The following BICC1 variants were observed in gnomAD, a reference collection of about 807,000 sequenced individuals.
BICC1 encodes the protein BicC family RNA binding protein 1, also known as protein bicaudal C homolog 1.
BICC1 carries 43 observed loss-of-function variants against 111.0 expected under a neutral mutation model. That is an observed-to-expected ratio of 0.39 (90% CI 0.30 to 0.50). BICC1 has a LOEUF of 0.50. Among genes scored for constraint, BICC1 ranks in the 20% least tolerant of loss-of-function variants. The pLI is 0.88. For synonymous variants in BICC1, 467 were observed against 434.4 expected (o/e 1.07, Z -0.93); for missense variants, 1,091 against 1,203.2 (o/e 0.91, Z 1.38).
chr10:58,653,531 C>G (rs1838518701), intron 2 of BICC1, among the ~76,000 whole-genome samples: 1 of 152,244 alleles, frequency 6.6e-6, no homozygotes, highest in African/African-American at 2.4e-5. Flanking sequence ...AAATGTGGTT[C>G]AGCATTTCTT....
intron 3 of BICC1, among the ~76,000 whole-genome samples, chr10:58,767,055 G>A (rs988484844): frequency 6.6e-6 from 1 of 152,304 alleles, no homozygotes; most frequent in African/African-American, 2.4e-5. Flanking sequence ...CCATGAGCTA[G>A]TTGGGATGCC....
intron 3 of BICC1, among the ~76,000 whole-genome samples, chr10:58,755,258 C>T (rs1842112278): frequency 6.6e-6 from 1 of 152,036 alleles, no homozygotes; most frequent in Non-Finnish European, 1.5e-5. Context: ...CTGCCAGGGC[C>T]CACTGTTTAG....
At chr10:58,762,551 G>A (rs997448880) in intron 3 of BICC1, among the ~76,000 whole-genome samples, 7 of 152,096 alleles carry the variant, frequency 4.6e-5, no homozygotes, top group Admixed American at 3.9e-4. Context: ...AGAAGAACAG[G>A]TTATTAAGTG....
At chr10:58,716,951 CT>C (rs1453161054) in intron 3 of BICC1, among the ~76,000 whole-genome samples, 2 of 149,106 alleles carry the variant, frequency 1.3e-5, no homozygotes, top group African/African-American at 5.2e-5. Flanking sequence ...TCATATGCTG[CT>C]TTGAGTGAAC....
chr10:58,764,629 CTTT>C lies in BICC1; in HGVS notation c.308-20354_308-20352del, dbSNP rs11366847. ...CTGGAAATTGATCACTAATTTCCTT[CTTT>C]TTTTTTTTTTTTTTTTTGTTCTAGG... On this transcript the variant is annotated intron_variant, in intron 3 of 20. Transcript: ENST00000373886. Among the ~76,000 whole-genome samples the C allele has an allele frequency of 2.2e-3, 258 of 117,568 alleles. 2 individuals are homozygous for C. Among genetic ancestry groups the C allele is most frequent in the African/African-American group, 7.2e-3 (230 of 31,826 alleles). The allele number at this position is 117,568 out of a possible 152,430, so 77.1% of individuals were successfully genotyped here. A position where few individuals can be genotyped will look rare whatever the true frequency, so the allele number is the denominator to read the frequency against.
In BICC1 at chr10:58,753,364, C is replaced by T. The variant is rs561961540; in HGVS notation, c.308-31637C>T. ...TTTATTTTTGTTAGAGACAGAGTCT[C>T]GCTATGTTGTCCAGGCTTGTCTCAA... On this transcript the variant is annotated intron_variant, in intron 3 of 20. Transcript: ENST00000373886. 5.9e-5 allele frequency among the ~76,000 whole-genome samples: 9 copies of T among 152,220 alleles called. No individual in the cohort carries two copies. In the East Asian group the frequency reaches 9.7e-4, roughly 16 times the overall value.
Position 58,789,672 on chromosome 10 carries a change from T to C in BICC1, c.796-10T>C. The C allele has an allele frequency of 6.2e-7, 1 of 1,613,956 alleles. No homozygotes were observed. The highest frequency in any genetic ancestry group is 2.2e-5 in the East Asian group (1 of 44,878). Reference sequence around the variant, plus strand: ...TATAGGATTATTTCTTTCCCACCCTTTTCTCTTAGGAAGGAACTGCCATGC... The same window carrying C: ...TATAGGATTATTTCTTTCCCACCCTCTTCTCTTAGGAAGGAACTGCCATGC... On this transcript the variant is annotated splice_polypyrimidine_tract_variant and intron_variant, in intron 7 of 20. Transcript: ENST00000373886.
At chr10:58,545,133 C>T (rs1195789405) in intron 1 of BICC1, among the ~76,000 whole-genome samples, 1 of 152,098 alleles carries the variant, frequency 6.6e-6, no homozygotes, top group Non-Finnish European at 1.5e-5. Flanking sequence ...GTTGGTGGTA[C>T]TTCATTACAG....
intron 16 of BICC1, 75 bp from the exon 17 acceptor site, chr10:58,806,929 C>G: frequency 1.5e-6 from 2 of 1,335,736 alleles, no homozygotes; most frequent in Non-Finnish European, 2.1e-6. Context: ...ATCAAAGAAA[C>G]GACACTTATC....
intron 2 of BICC1, among the ~76,000 whole-genome samples, chr10:58,685,740 T>C (rs1839701708): frequency 6.6e-6 from 1 of 152,198 alleles, no homozygotes; most frequent in Admixed American, 6.5e-5. Flanking sequence ...TCCATCCCTT[T>C]ATTTTGAGCC....
At chr10:58,530,997 G>A (rs1842668425) in intron 1 of BICC1, among the ~76,000 whole-genome samples, 1 of 151,806 alleles carries the variant, frequency 6.6e-6, no homozygotes, top group Admixed American at 6.6e-5. Flanking sequence ...TTTGAAACAG[G>A]TAAGAAAAGC....
chr10:58,565,910 C>T (rs529120963), intron 1 of BICC1, among the ~76,000 whole-genome samples: 1 of 151,916 alleles, frequency 6.6e-6, no homozygotes, highest in Non-Finnish European at 1.5e-5. Context: ...GTTGGTACAC[C>T]TTACCCAAGC....
chr10:58,771,611 C>G (rs1842624543), intron 3 of BICC1, among the ~76,000 whole-genome samples: 1 of 151,930 alleles, frequency 6.6e-6, no homozygotes, highest in Non-Finnish European at 1.5e-5. Flanking sequence ...ACTGATGGAG[C>G]CAAAATAATA....
At chr10:58,793,357 A>G in intron 8 of BICC1, 127 bp from the exon 9 acceptor site, 4 of 902,200 alleles carry the variant, frequency 4.4e-6, no homozygotes, top group Non-Finnish European at 6.6e-6. Context: ...TATATAATTC[A>G]GCTTTAATAC....
At chr10:58,749,258 A>G (rs1012665713) in intron 3 of BICC1, among the ~76,000 whole-genome samples, 1 of 152,142 alleles carries the variant, frequency 6.6e-6, no homozygotes, top group Non-Finnish European at 1.5e-5. Context: ...GAAGCACAGA[A>G]TACTTCTGAA....
chr10:58,705,288 C>G (rs1390538124), intron 3 of BICC1, among the ~76,000 whole-genome samples: 1 of 152,222 alleles, frequency 6.6e-6, no homozygotes, highest in Non-Finnish European at 1.5e-5. Flanking sequence ...GTTCTGAAGG[C>G]AAAGGGTGAC....
At chr10:58,814,301 A>G (rs951213339) in intron 18 of BICC1, 12 of 597,436 alleles carry the variant, frequency 2.0e-5, no homozygotes, top group African/African-American at 3.7e-5. Context: ...TTTTATAAAC[A>G]TTTATGAAGT....
At chr10:58,732,379 GTATA>G (rs1163026692) in intron 3 of BICC1, among the ~76,000 whole-genome samples, 1 of 75,788 alleles carries the variant, frequency 1.3e-5, no homozygotes, top group Non-Finnish European at 2.3e-5. Context: ...GTGTGTGTAT[GTATA>G]TATATATATA....
chr10:58,723,003 G>A (rs1435256944), intron 3 of BICC1, among the ~76,000 whole-genome samples: 1 of 152,112 alleles, frequency 6.6e-6, no homozygotes, highest in Non-Finnish European at 1.5e-5. Context: ...TTCTTCCACT[G>A]ACACTTTGCT....
Sources: allele counts gnomAD v4.1 joint callset (sites outside exome capture counted in the v4.1 genomes callset), GRCh38; gene constraint gnomAD v4.1.1; transcripts MANE v1.5; gene names NCBI Gene and HGNC (gene_info 2026-07-23, HGNC 2026-07-21).